KIFAP3: variants seen among roughly 807,000 people sequenced by gnomAD.
KIFAP3 encodes the protein kinesin associated protein 3.
In KIFAP3, 68 loss-of-function variants were observed where a neutral mutation model predicts 106.5. The ratio of observed to expected loss-of-function variants is 0.64; its 90% confidence interval spans 0.53 to 0.78. The LOEUF (loss-of-function observed/expected upper bound fraction) is 0.78. KIFAP3 is among the 30% of genes least tolerant of loss of function. The pLI, the probability that KIFAP3 is intolerant of heterozygous loss-of-function variation, is 0.00. For synonymous variants in KIFAP3, 320 were observed against 311.5 expected (o/e 1.03, Z -0.29); for missense variants, 780 against 941.8 (o/e 0.83, Z 2.25).
Position 170,055,360 on chromosome 1 carries a change from TG to T in KIFAP3, c.108del (p.Ile37PhefsTer31). The T allele has an allele frequency of 6.2e-7, 1 of 1,611,698 alleles. No individual in the cohort carries two copies. Among genetic ancestry groups the T allele is most frequent in the Non-Finnish European group, 8.5e-7 (1 of 1,179,062 alleles). The stretch of plus-strand genomic sequence containing the variant: ...ATGGGGTCCCCCATTTCTCCAAGAA[TG>T]GTAGCTTCCACTTCATAGTGAACAA... The part of the protein sequence containing the change: ...ALIVHYEVEA[T>X]ILGEMGDPML... On this transcript the variant is annotated frameshift_variant, in exon 2 of 20. Transcript: ENST00000361580. LOFTEE classifies it high-confidence loss of function.
intron 19 of KIFAP3, among the ~76,000 whole-genome samples, chr1:169,945,868 A>T (rs116592159): frequency 0.013 from 2,013 of 152,302 alleles, 52 homozygotes; most frequent in African/African-American, 0.044. Flanking sequence ...GATGTGTGAT[A>T]ATCTAATAAA....
At chr1:169,963,527 C>T (rs1421197891) in intron 17 of KIFAP3, among the ~76,000 whole-genome samples, 1 of 152,028 alleles carries the variant, frequency 6.6e-6, no homozygotes, top group East Asian at 1.9e-4. Context: ...TGGAGTCTTG[C>T]TGTTACCCAT....
At chr1:169,939,408 A>C (rs1296622557) in intron 19 of KIFAP3, among the ~76,000 whole-genome samples, 2 of 152,214 alleles carry the variant, frequency 1.3e-5, no homozygotes, top group African/African-American at 4.8e-5. Flanking sequence ...TGAGACGAGA[A>C]GATTAAGGGA....
rs1050767561 is a variant in KIFAP3 at position 169,921,706 on chromosome 1, A to G, written c.2349T>C (p.Asp783=). The change falls in exon 20 of 20, where the codon GAT becomes GAC. Residue 783 remains aspartate (D), a synonymous_variant. Transcript: ENST00000361580. Reference sequence around the variant, plus strand: ...ATCCATAGCCATAGTAGTAAGGTTCATCAGGGCGGAATCCATATGCTGTGG... The same window carrying G: ...ATCCATAGCCATAGTAGTAAGGTTCGTCAGGGCGGAATCCATATGCTGTGG... ...RPATAYGFRP[D]EPYYYGYGS The G allele has an allele frequency of 6.2e-7, 1 of 1,613,856 alleles. No homozygotes were observed. The highest frequency in any genetic ancestry group is 8.5e-7 in the Non-Finnish European group (1 of 1,179,790).
At chr1:170,019,093 A>G (rs967490444) in intron 9 of KIFAP3, among the ~76,000 whole-genome samples, 1 of 152,176 alleles carries the variant, frequency 6.6e-6, no homozygotes, top group Non-Finnish European at 1.5e-5. Flanking sequence ...ATGCTCCTAC[A>G]TCTGCTAACA....
chr1:170,013,478 C>A (rs1408010072), intron 10 of KIFAP3, among the ~76,000 whole-genome samples: 1 of 140,558 alleles, frequency 7.1e-6, no homozygotes, highest in Non-Finnish European at 1.6e-5. Flanking sequence ...AACTGACATA[C>A]ATATATATAT....
rs1571778509 is a variant in KIFAP3 at position 170,074,522 on chromosome 1, T to G, written c.-55A>C. On this transcript the variant is annotated 5_prime_UTR_variant, in exon 1 of 20. Coordinates refer to ENST00000361580, the MANE Select transcript of KIFAP3 (RefSeq NM_014970.4). ...GGGGTATCTTGAGAGGCAGGCGCGGTTATTTCCGGGGACGGTGGCCAAAGT... is the reference window on the plus strand; with the variant it reads ...GGGGTATCTTGAGAGGCAGGCGCGGGTATTTCCGGGGACGGTGGCCAAAGT... 6.2e-7 allele frequency: 1 copy of G among 1,611,164 alleles called. No individual in the cohort carries two copies. The highest frequency in any genetic ancestry group is 8.5e-7 in the Non-Finnish European group (1 of 1,178,920).
intron 8 of KIFAP3, 70 bp downstream of exon 8, chr1:170,031,816 A>G: frequency 1.0e-6 from 1 of 970,444 alleles, no homozygotes; most frequent in South Asian, 1.5e-5. Flanking sequence ...AGGTATGATA[A>G]AAAGTGAACA....
At chr1:170,050,979 T>C (rs1670546523) in intron 2 of KIFAP3, among the ~76,000 whole-genome samples, 1 of 152,002 alleles carries the variant, frequency 6.6e-6, no homozygotes, top group Non-Finnish European at 1.5e-5. Context: ...AGGATCAAAT[T>C]CACATATAAC....
intron 1 of KIFAP3, among the ~76,000 whole-genome samples, chr1:170,064,779 A>G (rs1365572454): frequency 6.6e-6 from 1 of 152,210 alleles, no homozygotes; most frequent in Non-Finnish European, 1.5e-5. Flanking sequence ...AGGATCATGT[A>G]TTGTTCTTCT....
intron 16 of KIFAP3, among the ~76,000 whole-genome samples, chr1:169,973,682 C>A (rs182856849): frequency 6.6e-5 from 10 of 151,720 alleles, no homozygotes; most frequent in African/African-American, 2.4e-4. Flanking sequence ...CAAGGGAAAG[C>A]GAAAAAACAT....
chr1:170,049,894 G>C (rs185205320), intron 2 of KIFAP3, among the ~76,000 whole-genome samples: 3 of 151,410 alleles, frequency 2.0e-5, no homozygotes, highest in African/African-American at 7.3e-5. Context: ...AAAAACCAGC[G>C]CAAAAATGCT....
intron 19 of KIFAP3, among the ~76,000 whole-genome samples, chr1:169,953,407 G>A (rs1223139053): frequency 6.6e-6 from 1 of 152,106 alleles, no homozygotes; most frequent in African/African-American, 2.4e-5. Flanking sequence ...AATGGCTTTG[G>A]AAAACACTCA....
At chr1:170,061,245 A>G (rs1380024415) in intron 1 of KIFAP3, among the ~76,000 whole-genome samples, 1 of 152,158 alleles carries the variant, frequency 6.6e-6, no homozygotes, top group Non-Finnish European at 1.5e-5. Context: ...ATGGGAGAAA[A>G]TTTTTGCAAT....
At chr1:169,987,007 C>T (rs1326710959) in intron 11 of KIFAP3, among the ~76,000 whole-genome samples, 1 of 151,780 alleles carries the variant, frequency 6.6e-6, no homozygotes. Flanking sequence ...TAAATTAGGA[C>T]TAAATATAAA....
At chr1:170,010,735 T>C (rs1210447629) in intron 10 of KIFAP3, among the ~76,000 whole-genome samples, 1 of 151,986 alleles carries the variant, frequency 6.6e-6, no homozygotes, top group Non-Finnish European at 1.5e-5. Context: ...TCACAACTCA[T>C]TGTACTCTAG....
intron 3 of KIFAP3, chr1:170,041,940 T>TGAAAC: frequency 1.8e-6 from 2 of 1,130,582 alleles, no homozygotes; most frequent in Non-Finnish European, 2.3e-6. Flanking sequence ...GTTTCAGTTA[T>TGAAAC]GAAACCTGGT....
chr1:170,058,726 C>T (rs1363564943), intron 1 of KIFAP3, among the ~76,000 whole-genome samples: 1 of 151,924 alleles, frequency 6.6e-6, no homozygotes, highest in African/African-American at 2.4e-5. Flanking sequence ...ATCAGATGGG[C>T]TGAGGCGGGT....
chr1:170,000,186 C>A (rs1033905986), intron 10 of KIFAP3, among the ~76,000 whole-genome samples: 4 of 152,122 alleles, frequency 2.6e-5, no homozygotes, highest in Non-Finnish European at 5.9e-5. Context: ...CAAATTTCCG[C>A]TTCTGCAGTA....
Sources: allele counts gnomAD v4.1 joint callset (sites outside exome capture counted in the v4.1 genomes callset), GRCh38; gene constraint gnomAD v4.1.1; transcripts MANE v1.5; gene names NCBI Gene and HGNC (gene_info 2026-07-23, HGNC 2026-07-21).